The following DNMT1 variants were observed in gnomAD, a reference collection of about 807,000 sequenced individuals.
The protein encoded by DNMT1 is DNA methyltransferase 1.
A neutral mutation model predicts 205.3 loss-of-function variants in DNMT1; 24 were observed. The observed-to-expected ratio is 0.12, with a 90% CI of 0.08 to 0.16. The LOEUF is 0.16. Ranked by LOEUF, DNMT1 falls within the 10% of genes least tolerant of loss-of-function variation. DNMT1 has a pLI of 1.00. For synonymous variants in DNMT1, 817 were observed against 839.8 expected (o/e 0.97, Z 0.47); for missense variants, 1,293 against 2,177.7 (o/e 0.59, Z 8.09).
In DNMT1 at chr19:10,156,269, A is replaced by C; in HGVS notation, c.1399+122T>G. On this transcript the variant is annotated intron_variant, in intron 18 of 40. Coordinates refer to ENST00000359526, the MANE Select transcript of DNMT1 (RefSeq NM_001130823.3). This position sits in a 1 kb window ranked among gnomAD's most constrained non-coding sequence, Gnocchi z 4.2. Reference sequence around the variant, plus strand: ...GCTATGTTGTCCAGGCTCGTCTCAAACTCCCGGGCTCAAGTGATCCTCTGG... The same window carrying C: ...GCTATGTTGTCCAGGCTCGTCTCAACCTCCCGGGCTCAAGTGATCCTCTGG... 1.2e-6 allele frequency: 1 copy of C among 801,940 alleles called. No homozygotes were observed. The highest frequency in any genetic ancestry group is 2.2e-6 in the Non-Finnish European group (1 of 460,682). 49.7% of individuals were successfully genotyped at this position (801,940 alleles called of 1,614,324 possible).
intron 5 of DNMT1, among the ~76,000 whole-genome samples, chr19:10,179,215 T>A (rs539662061): frequency 6.6e-6 from 1 of 151,596 alleles, no homozygotes; most frequent in African/African-American, 2.4e-5. Flanking sequence ...TAACCAGGCA[T>A]ATAAGGTCTT....
At chr19:10,160,483 G>A (rs1052057189) in intron 13 of DNMT1, 65 bp from the exon 14 acceptor site, 16 of 1,563,330 alleles carry the variant, frequency 1.0e-5, no homozygotes, top group South Asian at 3.3e-5. Flanking sequence ...ATAGTGCTTC[G>A]GTGTTAAGAA....
In DNMT1 at chr19:10,182,348, C is replaced by G. The variant is rs66623974; in HGVS notation, c.81-271G>C. On this transcript the variant is annotated intron_variant, in intron 1 of 40. Transcript: ENST00000359526. Reference sequence around the variant, plus strand: ...GAGATTACATAGCAGCTCTGTAACACAATTATGTGTATGTGTGTGTGTGTG... The same window carrying G: ...GAGATTACATAGCAGCTCTGTAACAGAATTATGTGTATGTGTGTGTGTGTG... Among the ~76,000 whole-genome samples the G allele has an allele frequency of 0.16, 23,441 of 149,290 alleles. 2,680 individuals carry two copies. Among genetic ancestry groups the G allele is most frequent in the East Asian group, 0.43 (2,201 of 5,086 alleles).
In DNMT1 at chr19:10,133,853, C is replaced by T; in HGVS notation, c.4865-152G>A. 1 of 895,368 alleles carries T rather than the reference C, an allele frequency of 1.1e-6. No individual in the cohort carries two copies. Among genetic ancestry groups the T allele is most frequent in the Non-Finnish European group, 1.8e-6 (1 of 557,428 alleles). The allele number at this position is 895,368 out of a possible 1,614,324, so 55.5% of individuals were successfully genotyped here. On this transcript the variant is annotated intron_variant, in intron 40 of 40. Transcript: ENST00000359526. This position sits in a 1 kb window ranked among gnomAD's most constrained non-coding sequence, Gnocchi z 4.1. ...AGTGGCAGAGTGCTAAGGGAACGTT[C>T]ACGGAGACTGAACACTCCTCAAACG...
At chr19:10,139,563 G>A in intron 34 of DNMT1, 113 bp downstream of exon 34, 1 of 1,514,988 alleles carries the variant, frequency 6.6e-7, no homozygotes. Flanking sequence ...AGCCTCTGCT[G>A]CCTGGATGGC....
intron 34 of DNMT1, 31 bp downstream of exon 34, chr19:10,139,645 T>C (rs1455469816): frequency 1.2e-6 from 2 of 1,607,068 alleles, no homozygotes; most frequent in Non-Finnish European, 1.7e-6. Context: ...GCTGGCCACA[T>C]CTGTCTGCCC....
At chr19:10,142,327 C>G in intron 29 of DNMT1, 107 bp from the exon 30 acceptor site, 1 of 1,515,814 alleles carries the variant, frequency 6.6e-7, no homozygotes. Flanking sequence ...GGGTAAAGAC[C>G]CCCTAGTTCG....
In DNMT1 at chr19:10,156,428, T is replaced by G; in HGVS notation, c.1362A>C (p.Ser454=). 1 of 1,612,928 alleles carries G rather than the reference T, an allele frequency of 6.2e-7. No homozygotes were observed. ...EKNIELFFSG[S]AKPIYDDDPS... ...GGTCATCATCATAGATTGGTTTTGC[T>G]GAACCAGAAAAGAAGAGTTCGATAT... The change falls in exon 18 of 41, where the codon TCA becomes TCC. Residue 454 remains serine (S), a synonymous_variant. Transcript: ENST00000359526. This position sits in a 1 kb window ranked among gnomAD's most constrained non-coding sequence, Gnocchi z 4.2.
At chr19:10,180,255 T>TGAGCCGAGGTTACACC (rs2039019655) in intron 4 of DNMT1, 21 bp from the exon 5 acceptor site, 4 of 1,470,338 alleles carry the variant, frequency 2.7e-6, no homozygotes, top group Non-Finnish European at 3.7e-6. Context: ...GAGGTTACAG[T>TGAGCCGAGGTTACACC]GAGCCGAGGT....
intron 6 of DNMT1, 38 bp downstream of exon 6, chr19:10,177,254 C>T: frequency 6.3e-7 from 1 of 1,597,188 alleles, no homozygotes; most frequent in Non-Finnish European, 8.6e-7. Flanking sequence ...AACAGCCGGC[C>T]CCTAAAAAAG....
intron 26 of DNMT1, 75 bp downstream of exon 26, chr19:10,149,378 A>G: frequency 6.4e-7 from 1 of 1,554,864 alleles, no homozygotes. Context: ...ATACAAATCA[A>G]AACAAAACAG....
intron 1 of DNMT1, 82 bp from the exon 2 acceptor site, chr19:10,182,159 A>C (rs2039059257): frequency 6.9e-7 from 1 of 1,456,246 alleles, no homozygotes; most frequent in South Asian, 1.2e-5. Flanking sequence ...AGTTCTAAAG[A>C]AGTTTTGGAC....
At chr19:10,194,710 A>T in intron 1 of DNMT1, 110 bp downstream of exon 1, 1 of 1,410,032 alleles carries the variant, frequency 7.1e-7, no homozygotes, top group South Asian at 1.4e-5. Flanking sequence ...CACCCCACGC[A>T]TGCGCGCCCG....
rs2089532373 is a variant in DNMT1, at chr19:10,138,283, C to T, written c.4115+156G>A. On this transcript the variant is annotated intron_variant, in intron 35 of 40. Transcript: ENST00000359526. This position sits in a 1 kb window ranked among gnomAD's most constrained non-coding sequence, Gnocchi z 4.1. Reference sequence around the variant, plus strand: ...ATGATGCAGGGTCAGAACTGGAGACCACAGGTGGCAGAGTGCCATGTGGCA... The same window carrying T: ...ATGATGCAGGGTCAGAACTGGAGACTACAGGTGGCAGAGTGCCATGTGGCA... Among the ~76,000 whole-genome samples, 1 of 152,198 alleles carries T rather than the reference C, an allele frequency of 6.6e-6. No individual in the cohort carries two copies. The highest frequency in any genetic ancestry group is 1.9e-4 in the East Asian group (1 of 5,206).
intron 1 of DNMT1, among the ~76,000 whole-genome samples, chr19:10,191,628 G>C (rs1398469224): frequency 1.3e-5 from 2 of 152,086 alleles, no homozygotes; most frequent in Non-Finnish European, 2.9e-5. Flanking sequence ...GAAAGGCTTT[G>C]GCAAGCAGCA....
rs372263363 is a variant in DNMT1 at position 10,151,574 on chromosome 19, C to T, written c.2118-29G>A. The T allele has an allele frequency of 5.7e-5, 92 of 1,612,882 alleles. No homozygotes were observed. In the African/African-American group the frequency reaches 1.0e-3, roughly 18 times the overall value. On this transcript the variant is annotated intron_variant, in intron 23 of 40. Transcript: ENST00000359526. The surrounding 1 kb of genome is among the most constrained non-coding windows in gnomAD (Gnocchi z 5.0). ...CAATGTCACTGGTTATACCTAAGGC[C>T]CCTTTTCTAAGTAAGACCAACCGGG...
intron 30 of DNMT1, 90 bp downstream of exon 30, chr19:10,141,938 A>C: frequency 6.7e-7 from 1 of 1,493,934 alleles, no homozygotes; most frequent in Non-Finnish European, 9.1e-7. Context: ...GAAACCCTGC[A>C]GCCAAGCCGC....
rs573823039 is a variant in DNMT1, at chr19:10,162,620, G to GA, written c.1008+46dup. ...CAACATGGCGAAACCCCGTCTTGGG[G>GA]AAAAAAAAAAAAAAAAAAAAGAAAG... is the stretch of plus-strand genomic sequence containing the variant. On this transcript the variant is annotated intron_variant, in intron 13 of 40. Transcript: ENST00000359526. 63,777 of 1,291,132 alleles carry GA rather than the reference G, an allele frequency of 0.049. 177 individuals carry two copies. The highest frequency in any genetic ancestry group is 0.053 in the Non-Finnish European group (51,416 of 961,064). The allele number at this position is 1,291,132 out of a possible 1,614,324, so 80.0% of individuals were successfully genotyped here.
At chr19:10,173,790 C>A (rs1962682586) in intron 8 of DNMT1, 81 bp downstream of exon 8, 3 of 1,518,828 alleles carry the variant, frequency 2.0e-6, no homozygotes, top group East Asian at 2.3e-5. Flanking sequence ...CCGTGCCCGG[C>A]CTTAAACTTT....
Sources: gnomAD v4.1 joint callset for allele counts (sites outside exome capture counted in the v4.1 genomes callset) on GRCh38, gnomAD v4.1.1 for gene constraint, Gnocchi (gnomAD v3.1) non-coding constraint, MANE v1.5 for transcripts, NCBI Gene and HGNC (gene_info 2026-07-23, HGNC 2026-07-21) for gene names.